Variants in PTCHD4 observed in about 807,000 individuals in gnomAD.
PTCHD4 encodes the protein patched domain containing 4.
Under a neutral mutation model 58.1 loss-of-function variants are expected in PTCHD4, and 33 were observed. The ratio of observed to expected loss-of-function variants is 0.57; its 90% confidence interval spans 0.43 to 0.76. PTCHD4 has a LOEUF of 0.76. Among genes scored for constraint, PTCHD4 ranks in the 30% least tolerant of loss-of-function variants. The probability of loss-of-function intolerance (pLI) is 0.00; values close to 1 mark genes in which losing one functional copy is unlikely to be tolerated. For missense variants in PTCHD4, 1,058 were observed against 1,027.1 expected, an observed-to-expected ratio of 1.03 and a Z score of -0.41; for synonymous variants, 478 against 409.6, an observed-to-expected ratio of 1.17 and a Z score of -2.02.
chr6:48,067,620 C>G (rs1764844468), intron 3 of PTCHD4, among the ~76,000 whole-genome samples: 1 of 152,110 alleles, frequency 6.6e-6, no homozygotes, highest in South Asian at 2.1e-4. Context: ...TGTTAACAAT[C>G]AAGCCAGGCT....
intron 3 of PTCHD4, among the ~76,000 whole-genome samples, chr6:48,040,771 A>G (rs332590): frequency 0.59 from 88,796 of 151,776 alleles, 26,132 homozygotes; most frequent in East Asian, 0.72. Flanking sequence ...GCTGTTCAAG[A>G]CAACATATCT....
chr6:48,019,358 T>C (rs868090676), intron 3 of PTCHD4, among the ~76,000 whole-genome samples: 10 of 151,972 alleles, frequency 6.6e-5, no homozygotes, highest in African/African-American at 2.2e-4. Flanking sequence ...GAGGATAGAG[T>C]GGTAGACAGC....
chr6:47,939,483 G>A (rs1766128409), intron 4 of PTCHD4, among the ~76,000 whole-genome samples: 1 of 152,088 alleles, frequency 6.6e-6, no homozygotes, highest in South Asian at 2.1e-4. Flanking sequence ...CCAGAAGCGA[G>A]TAGTGGACTG....
At chr6:47,929,181 A>C (rs1031936213) in intron 4 of PTCHD4, among the ~76,000 whole-genome samples, 1 of 152,218 alleles carries the variant, frequency 6.6e-6, no homozygotes, top group Non-Finnish European at 1.5e-5. Context: ...AAAATGAAAA[A>C]AAATTGGCTA....
chr6:48,045,172 C>A (rs1444914842), intron 3 of PTCHD4, among the ~76,000 whole-genome samples: 1 of 151,778 alleles, frequency 6.6e-6, no homozygotes, highest in Non-Finnish European at 1.5e-5. Context: ...GTCGGCCCTG[C>A]ATCTAAATTG....
At chr6:47,925,464 T>G (rs776606854) in intron 4 of PTCHD4, among the ~76,000 whole-genome samples, 83 of 152,168 alleles carry the variant, frequency 5.5e-4, no homozygotes, top group Non-Finnish European at 1.8e-4. Flanking sequence ...CTAGTACTCT[T>G]AGTTTAATTG....
At chr6:48,049,834 A>G (rs1764168549) in intron 3 of PTCHD4, among the ~76,000 whole-genome samples, 1 of 151,996 alleles carries the variant, frequency 6.6e-6, no homozygotes, top group Non-Finnish European at 1.5e-5. Context: ...TTTATTCACC[A>G]TATCTTCAAT....
chr6:47,974,761 A>G (rs1410495528), intron 4 of PTCHD4, among the ~76,000 whole-genome samples: 2 of 152,228 alleles, frequency 1.3e-5, no homozygotes, highest in Non-Finnish European at 2.9e-5. Context: ...TGTTTAACAT[A>G]TGCTAATATT....
chr6:47,960,664 ATCC>A (rs746459885), intron 4 of PTCHD4, among the ~76,000 whole-genome samples: 1 of 152,042 alleles, frequency 6.6e-6, no homozygotes, highest in Non-Finnish European at 1.5e-5. Flanking sequence ...AAACATAATA[ATCC>A]TCCTAATAAT....
At chr6:47,902,346 A>G (rs1764736091) in intron 4 of PTCHD4, among the ~76,000 whole-genome samples, 2 of 152,170 alleles carry the variant, frequency 1.3e-5, no homozygotes, top group African/African-American at 4.8e-5. Flanking sequence ...GCATATATTC[A>G]AGAAATACTT....
chr6:48,019,103 A>G (rs940677209), intron 3 of PTCHD4, among the ~76,000 whole-genome samples: 6 of 152,228 alleles, frequency 3.9e-5, no homozygotes, highest in African/African-American at 1.4e-4. Context: ...TCATGGAAAC[A>G]AGAAAGTTAC....
Position 47,864,944 on chromosome 6 carries a change from G to A in PTCHD4, c.*13359C>T, listed in dbSNP as rs542177541. Among the ~76,000 whole-genome samples, 2 of 151,338 alleles carry A rather than the reference G, an allele frequency of 1.3e-5. No homozygotes were observed. The highest frequency in any genetic ancestry group is 2.1e-4 in the South Asian group (1 of 4,798). ...CATCTTTATGGTAGAATAAAAGCAT[G>A]TGCCTTATACATAACTTTCATAGAA... On this transcript the variant is annotated 3_prime_UTR_variant, in exon 5 of 5. Coordinates refer to ENST00000339488, the MANE Select transcript of PTCHD4 (RefSeq NM_001384253.1).
At chr6:48,044,682 T>C (rs1274439343) in intron 3 of PTCHD4, among the ~76,000 whole-genome samples, 1 of 151,874 alleles carries the variant, frequency 6.6e-6, no homozygotes, top group African/African-American at 2.4e-5. Context: ...GCCTAGAGCA[T>C]GAAAAACAGG....
chr6:48,017,997 A>G (rs1032363424), intron 3 of PTCHD4, among the ~76,000 whole-genome samples: 2 of 152,234 alleles, frequency 1.3e-5, no homozygotes, highest in Non-Finnish European at 2.9e-5. Context: ...GGCATTGAGA[A>G]GATTGAATGT....
Position 48,108,783 on chromosome 6 carries a change from A to T in PTCHD4, c.-970+2266T>A, listed in dbSNP as rs377517739. Reference sequence around the variant, plus strand: ...GAATATAGAGAGAACGAATATAAACAATGATAAATCTAGGCTTCATAATAC... The same window carrying T: ...GAATATAGAGAGAACGAATATAAACTATGATAAATCTAGGCTTCATAATAC... On this transcript the variant is annotated intron_variant, in intron 1 of 4. Transcript: ENST00000339488. 1.2e-3 allele frequency among the ~76,000 whole-genome samples: 190 copies of T among 152,110 alleles called. 4 individuals carry two copies. In the South Asian group the frequency reaches 0.038, roughly 30 times the overall value.
In PTCHD4 at chr6:47,864,317, C is replaced by T. The variant is rs72866389; in HGVS notation, c.*13986G>A. Among the ~76,000 whole-genome samples the T allele has an allele frequency of 4.4e-3, 261 of 59,468 alleles. 2 individuals are homozygous for T. Among genetic ancestry groups the T allele is most frequent in the African/African-American group, 0.01 (243 of 24,058 alleles). The allele number at this position is 59,468 out of a possible 152,430, so 39.0% of individuals were successfully genotyped here. On this transcript the variant is annotated 3_prime_UTR_variant, in exon 5 of 5. Coordinates refer to ENST00000339488, the MANE Select transcript of PTCHD4 (RefSeq NM_001384253.1). ...CCATTATTTTTGAGATATATATATA[C>T]ACACACACACACATATATATATATG...
At chr6:47,909,785 A>C (rs2113865119) in intron 4 of PTCHD4, among the ~76,000 whole-genome samples, 1 of 151,032 alleles carries the variant, frequency 6.6e-6, no homozygotes, top group East Asian at 2.0e-4. Context: ...TTCTTGGCCA[A>C]GTCCATTCTT....
rs1763520524 is a variant in PTCHD4, at chr6:47,864,939, AG to A, written c.*13363del. Among the ~76,000 whole-genome samples, 3 of 134,214 alleles carry A rather than the reference AG, an allele frequency of 2.2e-5. No individual in the cohort carries two copies. Among genetic ancestry groups the A allele is most frequent in the Admixed American group, 7.8e-5 (1 of 12,846 alleles). The allele number at this position is 134,214 out of a possible 152,430, so 88.0% of individuals were successfully genotyped here. ...TACTACATCTTTATGGTAGAATAAA[AG>A]CATGTGCCTTATACATAACTTTCAT... On this transcript the variant is annotated 3_prime_UTR_variant, in exon 5 of 5. Coordinates refer to ENST00000339488, the MANE Select transcript of PTCHD4 (RefSeq NM_001384253.1).
chr6:48,019,680 G>A (rs1303738832), intron 3 of PTCHD4, among the ~76,000 whole-genome samples: 3 of 151,676 alleles, frequency 2.0e-5, no homozygotes, highest in Admixed American at 2.0e-4. Context: ...AGCTTGCACT[G>A]AGCTGAGATG....
Sources: gnomAD v4.1 joint callset for allele counts (sites outside exome capture counted in the v4.1 genomes callset) on GRCh38, gnomAD v4.1.1 for gene constraint, MANE v1.5 for transcripts, NCBI Gene and HGNC (gene_info 2026-07-23, HGNC 2026-07-21) for gene names.